The following ZDHHC16 variants were observed in gnomAD, a reference collection of about 807,000 sequenced individuals.
The protein encoded by ZDHHC16 is zDHHC palmitoyltransferase 16.
A neutral mutation model predicts 54.4 loss-of-function variants in ZDHHC16; 33 were observed. The observed-to-expected ratio is 0.61, with a 90% CI of 0.46 to 0.81. The LOEUF (loss-of-function observed/expected upper bound fraction) is 0.81, where lower values mean the gene tolerates loss of function less well. Ranked by LOEUF, ZDHHC16 falls within the 30% of genes least tolerant of loss-of-function variation. The pLI, the probability that ZDHHC16 is intolerant of heterozygous loss-of-function variation, is 0.00. For synonymous variants in ZDHHC16, 185 were observed against 182.1 expected (o/e 1.02, Z -0.13); for missense variants, 420 against 485.9 (o/e 0.86, Z 1.28).
rs756432543 is a variant in ZDHHC16, at chr10:97,456,039, A to C, written c.1014A>C (p.Thr338=). 1 of 1,614,132 alleles carries C rather than the reference A, an allele frequency of 6.2e-7. No individual in the cohort carries two copies. The highest frequency in any genetic ancestry group is 1.1e-5 in the South Asian group (1 of 91,084). ...GGAAGGTATTCCTGGGTGTGGATAC[A>C]GGAAGGTAATGTAAGACACACAGAC... ...DNWKVFLGVD[T]GRHWLTRVLL... The change falls in exon 11 of 12, where the codon ACA becomes ACC. Residue 338 remains threonine (T), a synonymous_variant. Transcript: ENST00000393760.
chr10:97,447,388 G>A (rs548996363), intron 1 of ZDHHC16, among the ~76,000 whole-genome samples: 69 of 152,256 alleles, frequency 4.5e-4, no homozygotes, highest in African/African-American at 1.6e-3. Context: ...TTTCCCATTG[G>A]GAAACAGATG....
At chr10:97,453,956 C>T (rs1846910911) in intron 8 of ZDHHC16, 110 bp downstream of exon 8, 2 of 1,413,974 alleles carry the variant, frequency 1.4e-6, no homozygotes, top group Non-Finnish European at 2.0e-6. Context: ...GCCGAGAGGC[C>T]ACTCTAGACC....
At position 97,446,206 on chromosome 10, in the gene ZDHHC16, G is replaced by T; in HGVS notation, c.-333G>T. The T allele has an allele frequency of 7.6e-6, 5 of 659,228 alleles. No individual in the cohort carries two copies. The highest frequency in any genetic ancestry group is 1.3e-5 in the Non-Finnish European group (5 of 386,568). The allele number at this position is 659,228 out of a possible 1,614,324, so 40.8% of individuals were successfully genotyped here. Reference sequence around the variant, plus strand: ...GAGGATGGGCTGGCGGCGGGTCCGGGTCCGCTGCCTGGCGCTGCGGGCGGC... The same window carrying T: ...GAGGATGGGCTGGCGGCGGGTCCGGTTCCGCTGCCTGGCGCTGCGGGCGGC... On this transcript the variant is annotated 5_prime_UTR_variant, in exon 1 of 12. Transcript: ENST00000393760.
chr10:97,455,854 G>A, intron 10 of ZDHHC16, 71 bp downstream of exon 10: 1 of 1,603,482 alleles, frequency 6.2e-7, no homozygotes, highest in Admixed American at 1.7e-5. Context: ...CAGAGGCCAT[G>A]GGCAGGGCTG....
intron 8 of ZDHHC16, among the ~76,000 whole-genome samples, 165 bp downstream of exon 8, chr10:97,454,011 G>C (rs1202175228): frequency 6.6e-6 from 1 of 152,206 alleles, no homozygotes; most frequent in Admixed American, 6.5e-5. Flanking sequence ...GGTAGACTAA[G>C]TGGCCTACAG....
At chr10:97,452,733 T>C (rs989890595) in intron 5 of ZDHHC16, 162 bp from the exon 6 acceptor site, 11 of 1,016,516 alleles carry the variant, frequency 1.1e-5, no homozygotes, top group East Asian at 7.2e-5. Flanking sequence ...CAATATCTTA[T>C]AGCCATTAAA....
At position 97,453,673 on chromosome 10, in the gene ZDHHC16, T is replaced by C; in HGVS notation, c.690+10T>C. 2 of 1,614,160 alleles carry C rather than the reference T, an allele frequency of 1.2e-6. No individual in the cohort carries two copies. Among genetic ancestry groups the C allele is most frequent in the Non-Finnish European group, 1.7e-6 (2 of 1,180,026 alleles). ...TTATGCTGCCATTGAGGTGAGCTCA[T>C]CAGGAACAGGGCAGCTCAGTAGTGC... On this transcript the variant is annotated intron_variant, in intron 7 of 11. Transcript: ENST00000393760.
At chr10:97,448,727 C>T (rs978899224) in intron 1 of ZDHHC16, among the ~76,000 whole-genome samples, 5 of 152,208 alleles carry the variant, frequency 3.3e-5, no homozygotes, top group African/African-American at 1.2e-4. Context: ...CACTGCACTA[C>T]AGCCTGGGCA....
chr10:97,454,123 G>A (rs1364684282), intron 8 of ZDHHC16, among the ~76,000 whole-genome samples: 11 of 152,196 alleles, frequency 7.2e-5, no homozygotes. Context: ...GGCCTGAGCA[G>A]CAAGGAGTCT....
Position 97,446,298 on chromosome 10 carries a change from C to T in ZDHHC16, c.-241C>T. The T allele has an allele frequency of 6.1e-6, 3 of 488,488 alleles. No homozygotes were observed. Among genetic ancestry groups the T allele is most frequent in the South Asian group, 2.2e-5 (1 of 45,356 alleles). The allele number at this position is 488,488 out of a possible 1,614,324, so 30.3% of individuals were successfully genotyped here. A position where few individuals can be genotyped will look rare whatever the true frequency, so the allele number is the denominator to read the frequency against. On this transcript the variant is annotated 5_prime_UTR_variant, in exon 1 of 12. Coordinates refer to ENST00000393760, the MANE Select transcript of ZDHHC16 (RefSeq NM_198046.3). ...CCGAGTCGGAGGGGGTGGCAGTGAG[C>T]GGCGGCAGAGGCTACGGGGCTCGGT...
At chr10:97,451,574 A>T in intron 2 of ZDHHC16, 97 bp from the exon 3 acceptor site, 1 of 1,497,978 alleles carries the variant, frequency 6.7e-7, no homozygotes, top group South Asian at 1.4e-5. Flanking sequence ...TCTTAGTCTT[A>T]GGTCTTTGCC....
chr10:97,446,242 G>T lies in ZDHHC16; in HGVS notation c.-297G>T, dbSNP rs1293716231. 3 of 591,716 alleles carry T rather than the reference G, an allele frequency of 5.1e-6. No homozygotes were observed. Among genetic ancestry groups the T allele is most frequent in the South Asian group, 3.9e-5 (2 of 50,680 alleles). 36.7% of individuals were successfully genotyped at this position (591,716 alleles called of 1,614,324 possible). ...GGCGCTGCGGGCGGCGGGCCATGGT[G>T]GTTTGGATTGAGCCGGGCCCGGCCG... On this transcript the variant is annotated 5_prime_UTR_variant, in exon 1 of 12. Coordinates refer to ENST00000393760, the MANE Select transcript of ZDHHC16 (RefSeq NM_198046.3).
Position 97,451,756 on chromosome 10 carries a change from C to T in ZDHHC16, c.81C>T (p.Arg27=), listed in dbSNP as rs1395657560. The T allele has an allele frequency of 6.2e-7, 1 of 1,614,030 alleles. No homozygotes were observed. Among genetic ancestry groups the T allele is most frequent in the South Asian group, 1.1e-5 (1 of 91,078 alleles). Residue 27 remains arginine (R), a synonymous_variant, in exon 3 of 12, where the codon CGC becomes CGT. Transcript: ENST00000393760. ...TTCTGCTGCTGGGTTACAGGCGCCG[C>T]TGTCCACCTCTACTCCGGGGTCTAG... The part of the protein sequence containing the change: ...RLLLLLGYRR[R]CPPLLRGLVQ...
chr10:97,447,614 T>C (rs1362252774), intron 1 of ZDHHC16, among the ~76,000 whole-genome samples: 1 of 152,216 alleles, frequency 6.6e-6, no homozygotes, highest in African/African-American at 2.4e-5. Context: ...TTTGCTTTAC[T>C]TCTATTTCTT....
intron 9 of ZDHHC16, among the ~76,000 whole-genome samples, chr10:97,455,027 C>G (rs925909784): frequency 1.2e-4 from 19 of 152,136 alleles, no homozygotes; most frequent in African/African-American, 4.6e-4. Flanking sequence ...GATATGTAAC[C>G]AAAGTAAGTT....
Position 97,456,972 on chromosome 10 carries a change from A to C in ZDHHC16, c.*81A>C. On this transcript the variant is annotated 3_prime_UTR_variant, in exon 12 of 12. Coordinates refer to ENST00000393760, the MANE Select transcript of ZDHHC16 (RefSeq NM_198046.3). The stretch of plus-strand genomic sequence containing the variant: ...AGGGCCTCCAAGGGCAGCTTTTCTC[A>C]GAATCCTTGATCAAAAAGAGCCAGT... The C allele has an allele frequency of 1.7e-6, 2 of 1,177,926 alleles. No homozygotes were observed. The highest frequency in any genetic ancestry group is 1.2e-6 in the Non-Finnish European group (1 of 856,696). 73.0% of individuals were successfully genotyped at this position (1,177,926 alleles called of 1,614,324 possible). A position where few individuals can be genotyped will look rare whatever the true frequency, so the allele number is the denominator to read the frequency against.
chr10:97,456,743 T>C (rs1847291672), intron 11 of ZDHHC16, 34 bp from the exon 12 acceptor site: 1 of 1,511,378 alleles, frequency 6.6e-7, no homozygotes, highest in African/African-American at 1.4e-5. Flanking sequence ...CCAAGAATTC[T>C]TGAACTCAGA....
Position 97,451,725 on chromosome 10 carries a change from G to A in ZDHHC16, c.50G>A (p.Arg17His), listed in dbSNP as rs748165827. The change falls in exon 3 of 12, where the codon CGC becomes CAC. Residue 17 changes from arginine (R) to histidine (H), a missense_variant. Transcript: ENST00000393760. ...CTGGGCCCGGCCCGCCTCTGCCTCCGCCTCCTTCTGCTGCTGGGTTACAGG... is the reference window on the plus strand; with the variant it reads ...CTGGGCCCGGCCCGCCTCTGCCTCCACCTCCTTCTGCTGCTGGGTTACAGG... ...LLLGPARLCL[R>H]LLLLLGYRRR... 7 of 1,613,254 alleles carry A rather than the reference G, an allele frequency of 4.3e-6. No homozygotes were observed. The highest frequency in any genetic ancestry group is 3.3e-5 in the Admixed American group (2 of 60,022).
intron 7 of ZDHHC16, 52 bp downstream of exon 7, chr10:97,453,715 G>A (rs1846878503): frequency 1.2e-6 from 2 of 1,614,002 alleles, no homozygotes; most frequent in African/African-American, 2.7e-5. Flanking sequence ...TCGGGATGTA[G>A]AACCTGTCCC....
Sources: gnomAD v4.1 joint callset for allele counts (sites outside exome capture counted in the v4.1 genomes callset) on GRCh38, gnomAD v4.1.1 for gene constraint, MANE v1.5 for transcripts, NCBI Gene and HGNC (gene_info 2026-07-23, HGNC 2026-07-21) for gene names.